MYO9A: variants seen among roughly 807,000 people sequenced by gnomAD.
MYO9A encodes myosin IXA.
In MYO9A, 103 loss-of-function variants were observed where a neutral mutation model predicts 293.3. The observed-to-expected ratio is 0.35, with a 90% CI of 0.30 to 0.41. MYO9A has a LOEUF of 0.41. MYO9A is among the 10% of genes least tolerant of loss of function. The pLI is 1.00. For missense variants in MYO9A, 2,685 were observed against 3,033.0 expected (o/e 0.89, Z 2.69); for synonymous variants, 1,001 against 1,035.7 (o/e 0.97, Z 0.64).
rs2058176683 is a variant in MYO9A at position 71,922,269 on chromosome 15, G to A, written c.2563-5777C>T. On this transcript the variant is annotated intron_variant, in intron 18 of 41. Transcript: ENST00000356056. ...GCTGGGATTACAGGCGTGAGCCACC[G>A]CACCCAGCCTCTGGCAATCTTTAAT... is the stretch of plus-strand genomic sequence containing the variant. Among the ~76,000 whole-genome samples, 3 of 152,098 alleles carry A rather than the reference G, an allele frequency of 2.0e-5. No homozygotes were observed. The South Asian group carries it at 6.2e-4, about 31-fold the overall frequency.
At chr15:71,965,868 AT>A (rs1028125876) in intron 13 of MYO9A, among the ~76,000 whole-genome samples, 9 of 151,576 alleles carry the variant, frequency 5.9e-5, no homozygotes, top group African/African-American at 2.2e-4. Context: ...CTTAAAGTCT[AT>A]TTTGTCCTAC....
At chr15:72,027,926 G>T (rs558406273) in intron 3 of MYO9A, 133 bp from the exon 4 acceptor site, 97 of 635,898 alleles carry the variant, frequency 1.5e-4, no homozygotes, top group Non-Finnish European at 2.4e-4. Flanking sequence ...GGCCGGGCGA[G>T]GTGGCTCACA....
chr15:71,830,281 G>C lies in MYO9A; in HGVS notation c.6868C>G (p.Pro2290Ala), dbSNP rs1390915865. 1.9e-6 allele frequency: 3 copies of C among 1,613,754 alleles called. No individual in the cohort carries two copies. In the Admixed American group the frequency reaches 5.0e-5, roughly 27 times the overall value. Residue 2290 changes from proline to alanine, a missense_variant, in exon 40 of 42, where the codon CCA becomes GCA. This residue lies in a region of MYO9A where 350 missense variants were observed against 328.9 expected (regional missense o/e 1.06). Transcript: ENST00000356056. ...GKGRIRRGNY[P>A]GPSSPVVVRL... is the part of the protein sequence containing the mutation. ...ACTACAACAGGAGACGATGGACCTG[G>C]ATAGTTTCCTCGACGAATACGCCCC...
At chr15:71,928,054 A>ATTTTTTTTTTTT (rs1567282393) in intron 18 of MYO9A, among the ~76,000 whole-genome samples, 1 of 9,380 alleles carries the variant, frequency 1.1e-4, no homozygotes, top group Non-Finnish European at 4.4e-4. Flanking sequence ...ATATATATAT[A>ATTTTTTTTTTTT]TATTTTTTTT....
At chr15:72,079,153 A>G (rs562589938) in intron 1 of MYO9A, among the ~76,000 whole-genome samples, 1 of 152,286 alleles carries the variant, frequency 6.6e-6, no homozygotes, top group African/African-American at 2.4e-5. Context: ...CATCAACTGT[A>G]ACAAATGGAC....
intron 34 of MYO9A, among the ~76,000 whole-genome samples, chr15:71,858,403 T>C (rs2055955849): frequency 6.6e-6 from 1 of 152,096 alleles, no homozygotes; most frequent in Admixed American, 6.5e-5. Context: ...GTGGCACATA[T>C]ACAGCATGGA....
Position 71,826,267 on chromosome 15 carries a change from C to A in MYO9A, c.*313G>T, listed in dbSNP as rs943606390. Reference sequence around the variant, plus strand: ...AATATCCCCCCTAGTTCAACACCCACCTTTGGGAAGGGAAAAGAGGGTGGG... The same window carrying A: ...AATATCCCCCCTAGTTCAACACCCAACTTTGGGAAGGGAAAAGAGGGTGGG... On this transcript the variant is annotated 3_prime_UTR_variant, in exon 42 of 42. Coordinates refer to ENST00000356056, the MANE Select transcript of MYO9A (RefSeq NM_006901.4). The A allele has an allele frequency of 1.0e-4, 29 of 281,202 alleles. No homozygotes were observed. Among genetic ancestry groups the A allele is most frequent in the Non-Finnish European group, 1.7e-4 (25 of 150,828 alleles). The allele number at this position is 281,202 out of a possible 1,614,324, so 17.4% of individuals were successfully genotyped here. A position where few individuals can be genotyped will look rare whatever the true frequency, so the allele number is the denominator to read the frequency against.
intron 1 of MYO9A, among the ~76,000 whole-genome samples, chr15:72,053,320 C>T (rs1371104050): frequency 6.6e-6 from 1 of 151,942 alleles, no homozygotes; most frequent in Non-Finnish European, 1.5e-5. Flanking sequence ...GCAGGAGAAT[C>T]GCTTGAACTC....
At chr15:71,925,315 GTATATGTACA>G (rs1269283095) in intron 18 of MYO9A, among the ~76,000 whole-genome samples, 1 of 22,840 alleles carries the variant, frequency 4.4e-5, no homozygotes, top group Non-Finnish European at 2.1e-4. Flanking sequence ...ACGTATATAC[GTATATGTACA>G]TATATACGTA....
chr15:71,868,891 T>C (rs1212792594), intron 32 of MYO9A, among the ~76,000 whole-genome samples: 2 of 152,216 alleles, frequency 1.3e-5, no homozygotes, highest in East Asian at 1.9e-4. Context: ...AAATAAATTA[T>C]ATCAGTGCAG....
At chr15:72,055,040 G>C (rs1457533738) in intron 1 of MYO9A, among the ~76,000 whole-genome samples, 1 of 152,126 alleles carries the variant, frequency 6.6e-6, no homozygotes, top group Non-Finnish European at 1.5e-5. Context: ...TTTACCTATA[G>C]CAGATCAACG....
At chr15:72,056,891 C>T (rs1429862116) in intron 1 of MYO9A, among the ~76,000 whole-genome samples, 1 of 152,094 alleles carries the variant, frequency 6.6e-6, no homozygotes, top group African/African-American at 2.4e-5. Flanking sequence ...GGGCGGATCA[C>T]CTGAGGTCAG....
chr15:71,901,210 T>C lies in MYO9A; in HGVS notation c.3131A>G (p.Gln1044Arg). 6.2e-7 allele frequency: 1 copy of C among 1,612,558 alleles called. No individual in the cohort carries two copies. Among genetic ancestry groups the C allele is most frequent in the Non-Finnish European group, 8.5e-7 (1 of 1,179,574 alleles). ...LCRQHFLHLR[Q>R]ASVIIQRFWR... Reference sequence around the variant, plus strand: ...TCTCACCTGGATAATAACAGATGCTTGTCTCAGATGGAGGAAATGCTGCCT... The same window carrying C: ...TCTCACCTGGATAATAACAGATGCTCGTCTCAGATGGAGGAAATGCTGCCT... The change falls in exon 23 of 42, where the codon CAA becomes CGA. Residue 1044 changes from glutamine to arginine, a missense_variant. Transcript: ENST00000356056.
chr15:71,926,837 T>C (rs1027510809), intron 18 of MYO9A, among the ~76,000 whole-genome samples: 1 of 152,102 alleles, frequency 6.6e-6, no homozygotes, highest in Non-Finnish European at 1.5e-5. Context: ...AGGGTACACA[T>C]GCAAAGCATA....
chr15:71,890,033 C>T (rs1444426617), intron 26 of MYO9A: 2 of 152,168 alleles, frequency 1.3e-5, no homozygotes, highest in African/African-American at 4.8e-5. Context: ...ATCACCTAGC[C>T]CAGGTCCTAA....
intron 4 of MYO9A, 69 bp downstream of exon 4, chr15:72,027,662 A>G: frequency 8.4e-7 from 1 of 1,194,400 alleles, no homozygotes. Context: ...TAATACACAA[A>G]GACCTTAAAA....
chr15:72,031,167 C>G (rs528747254), intron 3 of MYO9A, among the ~76,000 whole-genome samples: 1 of 152,152 alleles, frequency 6.6e-6, no homozygotes, highest in South Asian at 2.1e-4. Flanking sequence ...AAATTGTCTT[C>G]GACGAAACCA....
Position 72,027,787 on chromosome 15 carries a change from A to T in MYO9A, c.942T>A (p.Tyr314Ter). Residue 314 changes from tyrosine to a stop codon, truncating the protein, a stop_gained, in exon 4 of 42, where the codon TAT (tyrosine) becomes TAA (stop). Coordinates refer to ENST00000356056, the MANE Select transcript of MYO9A (RefSeq NM_006901.4). LOFTEE classifies it high-confidence loss of function. ...ACTTCTCCAGTAGATATTTTTCAACATAGGCACTACAAGAAAAATTAAATT... is the reference window on the plus strand; with the variant it reads ...ACTTCTCCAGTAGATATTTTTCAACTTAGGCACTACAAGAAAAATTAAATT... ...YQETGTVLGA[Y>*]VEKYLLEKSR... is the part of the protein sequence containing the mutation. 1 of 1,604,722 alleles carries T rather than the reference A, an allele frequency of 6.2e-7. No individual in the cohort carries two copies. The highest frequency in any genetic ancestry group is 8.5e-7 in the Non-Finnish European group (1 of 1,175,206).
At position 71,824,247 on chromosome 15, in the gene MYO9A, G is replaced by A. The variant is rs1377303671; in HGVS notation, c.*2333C>T. 6.6e-6 allele frequency: 1 copy of A among 152,142 alleles called. No homozygotes were observed. Among genetic ancestry groups the A allele is most frequent in the African/African-American group, 2.4e-5 (1 of 41,410 alleles). The allele number at this position is 152,142 out of a possible 1,614,324, so 9.4% of individuals were successfully genotyped here. A position where few individuals can be genotyped will look rare whatever the true frequency, so the allele number is the denominator to read the frequency against. On this transcript the variant is annotated 3_prime_UTR_variant, in exon 42 of 42. Coordinates refer to ENST00000356056, the MANE Select transcript of MYO9A (RefSeq NM_006901.4). Reference sequence around the variant, plus strand: ...CCAAACTGGAGTTTCAGGTCCCTGAGAAAAATTATAAAGTCTCTTAACATC... The same window carrying A: ...CCAAACTGGAGTTTCAGGTCCCTGAAAAAAATTATAAAGTCTCTTAACATC...
Sources: gnomAD v4.1 joint callset for allele counts (sites outside exome capture counted in the v4.1 genomes callset) on GRCh38, gnomAD v4.1.1 for gene constraint, gnomAD v4.1.1 regional missense constraint, MANE v1.5 for transcripts, NCBI Gene and HGNC (gene_info 2026-07-23, HGNC 2026-07-21) for gene names.